Variants in SLC24A2 observed in about 807,000 individuals in gnomAD.
The protein encoded by SLC24A2 is sodium/potassium/calcium exchanger 2.
SLC24A2 carries 36 observed loss-of-function variants against 62.0 expected under a neutral mutation model. The ratio of observed to expected loss-of-function variants is 0.58; its 90% CI spans 0.44 to 0.77. The LOEUF is 0.77. Ranked by LOEUF, SLC24A2 falls within the 30% of genes least tolerant of loss-of-function variation. SLC24A2 has a pLI of 0.00. For missense variants in SLC24A2, 846 were observed against 817.9 expected (o/e 1.03, Z -0.42); for synonymous variants, 358 against 294.0 (o/e 1.22, Z -2.23).
At chr9:19,734,866 G>T (rs893252174) in intron 2 of SLC24A2, among the ~76,000 whole-genome samples, 4 of 151,906 alleles carry the variant, frequency 2.6e-5, no homozygotes, top group African/African-American at 9.7e-5. Flanking sequence ...AATTCTAGAT[G>T]GATTAAAGAC....
chr9:19,699,724 C>T (rs1181495408), intron 2 of SLC24A2, among the ~76,000 whole-genome samples: 1 of 152,120 alleles, frequency 6.6e-6, no homozygotes, highest in South Asian at 2.1e-4. Flanking sequence ...GGTGGTATTA[C>T]AGATGATTTT....
chr9:19,942,127 T>G, the SLC24A2 span, among the ~76,000 whole-genome samples: 1 of 152,198 alleles, frequency 6.6e-6, no homozygotes, highest in Admixed American at 6.5e-5. Context: ...TTTTATCTCA[T>G]TTTGTCAACC....
the SLC24A2 span, among the ~76,000 whole-genome samples, chr9:19,808,258 G>A: frequency 3.3e-5 from 5 of 152,166 alleles, no homozygotes. This position sits in a 1 kb window ranked among gnomAD's most constrained non-coding sequence, Gnocchi z 4.1. Context: ...TGAATTAACT[G>A]CAGTATTCTT....
the SLC24A2 span, among the ~76,000 whole-genome samples, chr9:20,072,692 A>G: frequency 2.6e-5 from 4 of 152,064 alleles, no homozygotes; most frequent in Non-Finnish European, 4.4e-5. Flanking sequence ...AGGAGGAGTC[A>G]GAGTCAGAGG....
the SLC24A2 span, among the ~76,000 whole-genome samples, chr9:19,925,268 C>A: frequency 6.6e-6 from 1 of 152,226 alleles, no homozygotes; most frequent in South Asian, 2.1e-4. Flanking sequence ...GCAGAGGAAC[C>A]TGGAGAAAGC....
chr9:19,788,859 G>C, intron 1 of SLC24A2, 26 bp downstream of exon 1: 2 of 985,444 alleles, frequency 2.0e-6, no homozygotes, highest in Non-Finnish European at 2.4e-6. Flanking sequence ...TACAGCGGCA[G>C]GCGGGGCGCA....
the SLC24A2 span, among the ~76,000 whole-genome samples, chr9:20,068,360 C>A: frequency 6.6e-6 from 1 of 152,088 alleles, no homozygotes; most frequent in East Asian, 1.9e-4. Context: ...CCGCACCTAG[C>A]CTTCTTGACT....
chr9:19,795,273 A>ACCCCCCCCCCCCCCC, the SLC24A2 span, among the ~76,000 whole-genome samples: 1 of 69,478 alleles, frequency 1.4e-5, no homozygotes, highest in Admixed American at 1.6e-4. Context: ...ACCCCCCACC[A>ACCCCCCCCCCCCCCC]CCCCCACCCC....
the SLC24A2 span, among the ~76,000 whole-genome samples, chr9:20,195,462 T>C: frequency 6.6e-6 from 1 of 152,212 alleles, no homozygotes; most frequent in Non-Finnish European, 1.5e-5. Context: ...GTGTATTTAT[T>C]GACCATTTGG....
the SLC24A2 span, among the ~76,000 whole-genome samples, chr9:20,262,065 A>C: frequency 0.16 from 24,102 of 152,052 alleles, 1,983 homozygotes; most frequent in Middle Eastern, 0.23. Flanking sequence ...ATAACTCCAT[A>C]AACAAAAGAC....
intron 1 of SLC24A2, 58 bp downstream of exon 1, chr9:19,788,826 GC>G: frequency 1.0e-6 from 1 of 985,454 alleles, no homozygotes; most frequent in African/African-American, 1.7e-5. Flanking sequence ...CAACCGGGAT[GC>G]GGGGACGACC....
At chr9:19,787,193 C>A (rs111544859) in intron 1 of SLC24A2, among the ~76,000 whole-genome samples, 174 bp from the exon 2 acceptor site, 3 of 152,244 alleles carry the variant, frequency 2.0e-5, no homozygotes, top group African/African-American at 7.2e-5. Flanking sequence ...CGGTACCTAC[C>A]ACCCAGGATT....
the SLC24A2 span, among the ~76,000 whole-genome samples, chr9:20,284,656 T>G: frequency 6.6e-6 from 1 of 152,170 alleles, no homozygotes; most frequent in African/African-American, 2.4e-5. Context: ...TTGAAAAGTT[T>G]AAGAAATCCT....
At chr9:20,125,883 C>G in the SLC24A2 span, among the ~76,000 whole-genome samples, 32 of 152,318 alleles carry the variant, frequency 2.1e-4, no homozygotes, top group African/African-American at 7.7e-4. Flanking sequence ...CTCACAATTG[C>G]TGTGCTCTCC....
At chr9:19,565,555 G>T (rs1222263848) in intron 7 of SLC24A2, among the ~76,000 whole-genome samples, 1 of 151,678 alleles carries the variant, frequency 6.6e-6, no homozygotes, top group Non-Finnish European at 1.5e-5. Context: ...GTAATTTATA[G>T]ATTCAATGCC....
chr9:19,692,927 T>C (rs1820084456), intron 2 of SLC24A2, among the ~76,000 whole-genome samples: 1 of 152,190 alleles, frequency 6.6e-6, no homozygotes, highest in Non-Finnish European at 1.5e-5. Context: ...AAAAAATACA[T>C]ACTTGTTAGC....
chr9:19,754,962 TA>T (rs1822095876), intron 2 of SLC24A2, among the ~76,000 whole-genome samples: 1 of 152,168 alleles, frequency 6.6e-6, no homozygotes, highest in Admixed American at 6.5e-5. Context: ...GATCTCTCTT[TA>T]AAATAATAAG....
Position 19,573,485 on chromosome 9 carries a change from A to C in SLC24A2, c.1229-16T>G, listed in dbSNP as rs945376355. The C allele has an allele frequency of 8.6e-6, 7 of 817,626 alleles. No individual in the cohort carries two copies. The highest frequency in any genetic ancestry group is 1.4e-5 in the Non-Finnish European group (7 of 487,760). The allele number at this position is 817,626 out of a possible 1,614,324, so 50.6% of individuals were successfully genotyped here. On this transcript the variant is annotated splice_polypyrimidine_tract_variant and intron_variant, in intron 6 of 10. Coordinates refer to ENST00000341998, the MANE Select transcript of SLC24A2 (RefSeq NM_020344.4). Reference sequence around the variant, plus strand: ...TCAATTTTTTCTGTGATATAATTTAAACACACACACACACACACACACACA... The same window carrying C: ...TCAATTTTTTCTGTGATATAATTTACACACACACACACACACACACACACA...
chr9:19,991,313 C>T, the SLC24A2 span, among the ~76,000 whole-genome samples: 1 of 152,092 alleles, frequency 6.6e-6, no homozygotes, highest in African/African-American at 2.4e-5. Context: ...GGGCAGGAAG[C>T]ATCCAGCATG....
Sources: allele counts gnomAD v4.1 joint callset (sites outside exome capture counted in the v4.1 genomes callset), GRCh38; gene constraint gnomAD v4.1.1; non-coding constraint Gnocchi (gnomAD v3.1); transcripts MANE v1.5; gene names NCBI Gene and HGNC (gene_info 2026-07-23, HGNC 2026-07-21).